The following FANCA variants were observed in gnomAD, a reference collection of about 807,000 sequenced individuals.
FANCA encodes Fanconi anemia group A protein.
In FANCA, 236 loss-of-function variants were observed where a neutral mutation model predicts 194.3. That is an observed-to-expected ratio of 1.21 (90% confidence interval 1.09 to 1.35). The LOEUF (loss-of-function observed/expected upper bound fraction) is 1.35. Ranked by LOEUF, FANCA falls within the 40% of genes most tolerant of loss-of-function variation. The pLI is 0.00. For synonymous variants in FANCA, 1,014 were observed against 715.8 expected (o/e 1.42, Z -6.65); for missense variants, 2,628 against 1,813.9 (o/e 1.45, Z -8.15).
chr16:89,757,615 C>G (rs2038808651), intron 30 of FANCA, among the ~76,000 whole-genome samples: 1 of 152,202 alleles, frequency 6.6e-6, no homozygotes, highest in Non-Finnish European at 1.5e-5. Context: ...ACACACTTGC[C>G]ATCTGTACTG....
chr16:89,744,583 C>T (rs889477125), intron 36 of FANCA: 2 of 346,336 alleles, frequency 5.8e-6, no homozygotes, highest in African/African-American at 2.1e-5. Context: ...GGAGCAGGTG[C>T]AAAGGAATCA....
In FANCA at chr16:89,746,623, C is replaced by T. The variant is rs770861468; in HGVS notation, c.3474G>A (p.Lys1158=). Residue 1158 remains lysine, a synonymous_variant, in exon 35 of 43, where the codon AAG becomes AAA. Transcript: ENST00000389301. ...PSLMVDFILA[K]CQTKCPLILT... ...AAATTAAGGGGCATTTCGTCTGGCA[C>T]TTGGCCAGTATGAAGTCGACCATCA... is the stretch of plus-strand genomic sequence containing the variant. 6.2e-7 allele frequency: 1 copy of T among 1,614,194 alleles called. No individual in the cohort carries two copies. Among genetic ancestry groups the T allele is most frequent in the South Asian group, 1.1e-5 (1 of 91,086 alleles).
intron 32 of FANCA, 149 bp from the exon 33 acceptor site, chr16:89,748,916 C>A (rs1273592726): frequency 7.0e-6 from 5 of 711,844 alleles, no homozygotes; most frequent in Admixed American, 6.1e-5. Context: ...TCTGTCCCAT[C>A]CAAAGCCTGC....
At chr16:89,771,376 T>G (rs1404497188) in intron 23 of FANCA, among the ~76,000 whole-genome samples, 1 of 151,424 alleles carries the variant, frequency 6.6e-6, no homozygotes, top group Non-Finnish European at 1.5e-5. Flanking sequence ...AGAGGATCAC[T>G]TGAGCCCAGG....
chr16:89,767,610 G>A (rs1408096991), intron 26 of FANCA, among the ~76,000 whole-genome samples: 1 of 151,954 alleles, frequency 6.6e-6, no homozygotes, highest in Non-Finnish European at 1.5e-5. Flanking sequence ...GTAGAGTGGT[G>A]CGATTTCGGC....
chr16:89,781,921 G>A (rs1358391730), intron 17 of FANCA, among the ~76,000 whole-genome samples: 1 of 149,582 alleles, frequency 6.7e-6, no homozygotes, highest in East Asian at 2.0e-4. Flanking sequence ...GCAGGAGAAT[G>A]GCGTGAACCC....
chr16:89,746,551 A>C (rs1475179454), intron 35 of FANCA, 33 bp downstream of exon 35: 4 of 1,590,778 alleles, frequency 2.5e-6, no homozygotes, highest in Admixed American at 3.3e-5. Flanking sequence ...ACTCATCCCC[A>C]AAACAAAACA....
intron 10 of FANCA, chr16:89,798,908 G>A (rs914432453): frequency 1.4e-5 from 22 of 1,595,472 alleles, no homozygotes; most frequent in East Asian, 8.9e-5. Flanking sequence ...AAACATTGGT[G>A]CAGGACTTCC....
intron 11 of FANCA, among the ~76,000 whole-genome samples, chr16:89,794,146 G>A (rs1315607498): frequency 2.0e-5 from 3 of 152,160 alleles, no homozygotes; most frequent in Admixed American, 6.5e-5. Context: ...TTGCCTATTT[G>A]CTATATCATC....
At chr16:89,743,573 C>T (rs1156858142) in intron 36 of FANCA, among the ~76,000 whole-genome samples, 1 of 152,220 alleles carries the variant, frequency 6.6e-6, no homozygotes, top group East Asian at 1.9e-4. Flanking sequence ...CCTGTAATCC[C>T]AGCACTTTGG....
intron 30 of FANCA, among the ~76,000 whole-genome samples, chr16:89,755,851 C>T (rs184336250): frequency 3.3e-5 from 5 of 150,480 alleles, no homozygotes; most frequent in Non-Finnish European, 5.9e-5. Flanking sequence ...CTAGGCCACA[C>T]GGCACGGCCC....
intron 28 of FANCA, among the ~76,000 whole-genome samples, chr16:89,762,969 T>C (rs1249640143): frequency 1.4e-5 from 2 of 141,106 alleles, no homozygotes; most frequent in Non-Finnish European, 3.0e-5. Context: ...AAAAAAGGGT[T>C]GGGCGTGGTG....
In FANCA at chr16:89,738,842, A is replaced by G. The variant is rs111846044; in HGVS notation, c.4260+40T>C. On this transcript the variant is annotated intron_variant, in intron 42 of 42. Coordinates refer to ENST00000389301, the MANE Select transcript of FANCA (RefSeq NM_000135.4). ...ATGGCCCAGGCAGCTGTCAATTCTC[A>G]TGTCCCCCACATGGCCCAAGGTGGG... 1.9e-5 allele frequency: 30 copies of G among 1,613,632 alleles called. No homozygotes were observed. The African/African-American group carries it at 3.3e-4, about 18-fold the overall frequency.
At chr16:89,753,676 G>A (rs1047804610) in intron 30 of FANCA, among the ~76,000 whole-genome samples, 6 of 152,084 alleles carry the variant, frequency 3.9e-5, no homozygotes, top group Non-Finnish European at 8.8e-5. Flanking sequence ...GATTTAATGA[G>A]GAAAGACTGA....
Position 89,752,143 on chromosome 16 carries a change from A to G in FANCA, c.3061T>C (p.Leu1021=), listed in dbSNP as rs2143163305. 6.2e-7 allele frequency: 1 copy of G among 1,614,030 alleles called. No homozygotes were observed. The highest frequency in any genetic ancestry group is 1.1e-5 in the South Asian group (1 of 91,078). Residue 1021 remains leucine, a synonymous_variant, in exon 31 of 43, where the codon TTG becomes CTG. Transcript: ENST00000389301. ...RTGNEDIISR[L]QEMVADLELQ... ...TGTGGCACCCTCAAACTCACCTGCA[A>G]TCTGGAAATAATATCCTCATTTCCT... is the stretch of plus-strand genomic sequence containing the variant.
At chr16:89,803,147 C>G in intron 8 of FANCA, 112 bp downstream of exon 8, 2 of 1,054,622 alleles carry the variant, frequency 1.9e-6, no homozygotes, top group Non-Finnish European at 3.0e-6. Context: ...ACATGTACCC[C>G]GTAAATAGGT....
intron 22 of FANCA, 65 bp from the exon 23 acceptor site, chr16:89,771,879 A>T: frequency 2.5e-6 from 4 of 1,594,310 alleles, no homozygotes; most frequent in Non-Finnish European, 3.4e-6. Flanking sequence ...GCTGCGGCCT[A>T]GAGAGCTCCG....
At chr16:89,745,917 A>C (rs1272713731) in intron 35 of FANCA, among the ~76,000 whole-genome samples, 1 of 152,182 alleles carries the variant, frequency 6.6e-6, no homozygotes, top group African/African-American at 2.4e-5. Flanking sequence ...CACGAATTCC[A>C]CCAACTGAGC....
chr16:89,800,753 G>A (rs142324143), intron 8 of FANCA, among the ~76,000 whole-genome samples: 135 of 152,252 alleles, frequency 8.9e-4, no homozygotes, highest in African/African-American at 2.9e-3. Context: ...GAAACAGGCC[G>A]GGAACTGTGG....
Sources: allele counts gnomAD v4.1 joint callset (sites outside exome capture counted in the v4.1 genomes callset), GRCh38; gene constraint gnomAD v4.1.1; transcripts MANE v1.5; gene names NCBI Gene and HGNC (gene_info 2026-07-23, HGNC 2026-07-21).